UBP1: variants seen among roughly 807,000 people sequenced by gnomAD.
The protein encoded by UBP1 is upstream binding protein 1.
In UBP1, 22 loss-of-function variants were observed where a neutral mutation model predicts 76.1. The ratio of observed to expected loss-of-function variants is 0.29; its 90% CI spans 0.21 to 0.41. The LOEUF (loss-of-function observed/expected upper bound fraction) is 0.41, where lower values mean the gene tolerates loss of function less well. UBP1 is among the 10% of genes least tolerant of loss of function. The pLI is 1.00. For missense variants in UBP1, 436 were observed against 668.1 expected (o/e 0.65, Z 3.83); for synonymous variants, 224 against 237.1 (o/e 0.94, Z 0.51).
At chr3:33,420,106 G>A (rs929500222) in intron 2 of UBP1, among the ~76,000 whole-genome samples, 1 of 152,142 alleles carries the variant, frequency 6.6e-6, no homozygotes, top group African/African-American at 2.4e-5. Flanking sequence ...AGCCCAAGAT[G>A]TGACAGCCCC....
intron 2 of UBP1, among the ~76,000 whole-genome samples, 161 bp from the exon 3 acceptor site, chr3:33,416,995 T>TCA (rs1011011836): frequency 3.9e-5 from 6 of 152,208 alleles, no homozygotes; most frequent in Admixed American, 3.3e-4. Flanking sequence ...TCCCTGAAAA[T>TCA]CACACCAACC....
At chr3:33,416,500 T>G (rs2044732673) in intron 3 of UBP1, among the ~76,000 whole-genome samples, 1 of 152,172 alleles carries the variant, frequency 6.6e-6, no homozygotes, top group African/African-American at 2.4e-5. Context: ...GCTTATAGGT[T>G]TTTGTTGTGG....
chr3:33,388,858 G>T lies in UBP1; in HGVS notation c.*1473C>A, dbSNP rs371796712. 1 of 152,184 alleles carries T rather than the reference G, an allele frequency of 6.6e-6. No homozygotes were observed. The highest frequency in any genetic ancestry group is 2.4e-5 in the African/African-American group (1 of 41,456). The allele number at this position is 152,184 out of a possible 1,614,324, so 9.4% of individuals were successfully genotyped here. On this transcript the variant is annotated 3_prime_UTR_variant, in exon 16 of 16. Coordinates refer to ENST00000283629, the MANE Select transcript of UBP1 (RefSeq NM_014517.5). ...AATGTCAAAGCTTTTACTCACTGAA[G>T]TAGTTTGTCTTCTGGGAGAGATTTC...
intron 12 of UBP1, chr3:33,396,601 T>G (rs2154055228): frequency 2.5e-6 from 1 of 404,974 alleles, no homozygotes; most frequent in Non-Finnish European, 4.6e-6. Context: ...ACCACAAGTA[T>G]AGAAAGAGCA....
chr3:33,392,488 C>A, intron 15 of UBP1, 75 bp downstream of exon 15: 1 of 1,244,506 alleles, frequency 8.0e-7, no homozygotes, highest in Non-Finnish European at 1.1e-6. Context: ...AGAATAAACA[C>A]GAGAGGCACT....
intron 1 of UBP1, among the ~76,000 whole-genome samples, chr3:33,425,997 AT>A (rs1472353560): frequency 1.0e-4 from 1 of 9,634 alleles, no homozygotes; most frequent in Non-Finnish European, 2.1e-4. Context: ...GCAGCTCTGA[AT>A]ATATATATAT....
intron 1 of UBP1, among the ~76,000 whole-genome samples, chr3:33,434,636 T>C (rs909849917): frequency 3.3e-5 from 5 of 149,662 alleles, no homozygotes; most frequent in African/African-American, 1.2e-4. Flanking sequence ...AAGAGCTAAA[T>C]CCAACCAGCC....
intron 3 of UBP1, among the ~76,000 whole-genome samples, chr3:33,413,427 G>C (rs2044643509): frequency 6.6e-6 from 1 of 151,286 alleles, no homozygotes; most frequent in East Asian, 2.0e-4. Flanking sequence ...GGCGCCTGTA[G>C]TACCAGCTAC....
At chr3:33,427,822 G>A (rs1362692139) in intron 1 of UBP1, among the ~76,000 whole-genome samples, 1 of 152,190 alleles carries the variant, frequency 6.6e-6, no homozygotes, top group East Asian at 1.9e-4. Flanking sequence ...CACTCCCACA[G>A]AGTTCTCTCA....
At position 33,396,205 on chromosome 3, in the gene UBP1, TTGCTGCTGCCCTTGCAGCACTG is replaced by T; in HGVS notation, c.1325_1346del (p.Thr442LysfsTer25). 1 of 1,595,580 alleles carries T rather than the reference TTGCTGCTGCCCTTGCAGCACTG, an allele frequency of 6.3e-7. No homozygotes were observed. ...CATTCTCGCTTGCACTGCTTGCAGCTTGCTGCTGCCCTTGCAGCACTGTGCTGCTTGGCTGCTCCCGGCAGAC... is the reference window on the plus strand; with the variant it reads ...CATTCTCGCTTGCACTGCTTGCAGCTTGCTGCTTGGCTGCTCCCGGCAGAC... On this transcript the variant is annotated frameshift_variant, in exon 13 of 16. Transcript: ENST00000283629. LOFTEE classifies it high-confidence loss of function.
chr3:33,400,117 A>G, intron 11 of UBP1, 72 bp downstream of exon 11: 2 of 1,042,414 alleles, frequency 1.9e-6, no homozygotes, highest in South Asian at 2.5e-5. Context: ...TTTTAAAAAT[A>G]TAAAGTTAAT....
In UBP1 at chr3:33,396,120, C is replaced by CA; in HGVS notation, c.1390+41dup. 5 of 1,484,346 alleles carry CA rather than the reference C, an allele frequency of 3.4e-6. No individual in the cohort carries two copies. The African/African-American group carries it at 4.1e-5, about 12-fold the overall frequency. The allele number at this position is 1,484,346 out of a possible 1,614,324, so 91.9% of individuals were successfully genotyped here. A position where few individuals can be genotyped will look rare whatever the true frequency, so the allele number is the denominator to read the frequency against. ...TCGAGTCCTTTCCGTTTCTGTCTGA[C>CA]AGTCTCAGAAGTGACAGAATTGAGA... is the stretch of plus-strand genomic sequence containing the variant. On this transcript the variant is annotated intron_variant, in intron 13 of 15. Transcript: ENST00000283629.
At chr3:33,428,292 G>C (rs2045055237) in intron 1 of UBP1, among the ~76,000 whole-genome samples, 1 of 150,704 alleles carries the variant, frequency 6.6e-6, no homozygotes, top group African/African-American at 2.4e-5. Context: ...TTGTGTATAT[G>C]TAAGCATTTA....
chr3:33,427,703 T>C (rs2045042337), intron 1 of UBP1, among the ~76,000 whole-genome samples: 2 of 152,202 alleles, frequency 1.3e-5, no homozygotes, highest in Non-Finnish European at 2.9e-5. Context: ...TTTTCAAAGA[T>C]ACTAACTATC....
chr3:33,397,156 T>C, intron 11 of UBP1, 21 bp from the exon 12 acceptor site: 1 of 1,545,602 alleles, frequency 6.5e-7, no homozygotes, highest in Non-Finnish European at 8.7e-7. Context: ...GCAAAAATAT[T>C]TTTCTCAAAT....
intron 5 of UBP1, among the ~76,000 whole-genome samples, chr3:33,410,681 T>A (rs1304518784): frequency 2.6e-5 from 4 of 152,218 alleles, no homozygotes; most frequent in African/African-American, 9.6e-5. Flanking sequence ...CTATTTTTTT[T>A]AAACACAGAA....
At chr3:33,397,670 A>T (rs909751135) in intron 11 of UBP1, 1 of 152,224 alleles carries the variant, frequency 6.6e-6, no homozygotes, top group African/African-American at 2.4e-5. Flanking sequence ...TATAACATAA[A>T]CAACTCTGTC....
Position 33,416,812 on chromosome 3 carries a change from C to G in UBP1, c.288G>C (p.Met96Ile). Residue 96 changes from methionine (M) to isoleucine (I), a missense_variant, in exon 3 of 16, where the codon ATG (methionine) becomes ATC (isoleucine). By Grantham distance (10) the Met-to-Ile change is conservative (BLOSUM62 1). Around this residue, in one of 3 missense-constraint regions of UBP1, gnomAD observed 161 missense variants for 237.9 expected, o/e 0.68. Coordinates refer to ENST00000283629, the MANE Select transcript of UBP1 (RefSeq NM_014517.5). ...LNQGQSYEIRMLDNRKMGDMP... is the reference protein window; with the variant it reads ...LNQGQSYEIRILDNRKMGDMP... ...TATCACCCATTTTCCGATTATCCAG[C>G]ATCCGAATTTCATATGACTGACCTA... 2 of 1,613,630 alleles carry G rather than the reference C, an allele frequency of 1.2e-6. No homozygotes were observed. The highest frequency in any genetic ancestry group is 8.5e-7 in the Non-Finnish European group (1 of 1,179,692).
rs565970745 is a variant in UBP1 at position 33,412,439 on chromosome 3, G to A, written c.448+283C>T. On this transcript the variant is annotated intron_variant, in intron 4 of 15. Transcript: ENST00000283629. ...AACTCTCAAGACACAAGATCCTAGA[G>A]GGGCATGGTGGCGCGCACCTGCAAT... Among the ~76,000 whole-genome samples, 10 of 151,686 alleles carry A rather than the reference G, an allele frequency of 6.6e-5. 1 individual carries two copies. Among genetic ancestry groups the A allele is most frequent in the South Asian group, 2.1e-4 (1 of 4,778 alleles).
Sources: gnomAD v4.1 joint callset for allele counts (sites outside exome capture counted in the v4.1 genomes callset) on GRCh38, gnomAD v4.1.1 for gene constraint, gnomAD v4.1.1 regional missense constraint, MANE v1.5 for transcripts, NCBI Gene and HGNC (gene_info 2026-07-23, HGNC 2026-07-21) for gene names.